Variants in NCBP3 observed in about 807,000 individuals in gnomAD.
NCBP3 encodes the protein nuclear cap binding subunit 3.
Under a neutral mutation model 75.7 loss-of-function variants are expected in NCBP3, and 20 were observed. That is an observed-to-expected ratio of 0.26 (90% confidence interval 0.19 to 0.38). NCBP3 has a LOEUF of 0.38. Ranked by LOEUF, NCBP3 falls within the 10% of genes least tolerant of loss-of-function variation. NCBP3 has a pLI of 1.00. For synonymous variants in NCBP3, 293 were observed against 290.5 expected, an observed-to-expected ratio of 1.01 and a Z score of -0.09; for missense variants, 678 against 796.9, an observed-to-expected ratio of 0.85 and a Z score of 1.80.
At chr17:3,815,807 T>C (rs1034696341) in intron 11 of NCBP3, among the ~76,000 whole-genome samples, 13 of 152,272 alleles carry the variant, frequency 8.5e-5, no homozygotes, top group Middle Eastern at 6.8e-3. Flanking sequence ...TCACTTTATA[T>C]AAGGGACTTA....
chr17:3,845,736 CCTCA>C (rs1445058813), intron 1 of NCBP3, among the ~76,000 whole-genome samples: 1 of 152,118 alleles, frequency 6.6e-6, no homozygotes, highest in Non-Finnish European at 1.5e-5. Context: ...TCCAGCCCCT[CCTCA>C]CTCACCTCCT....
chr17:3,842,729 T>G (rs2054087463), intron 2 of NCBP3, among the ~76,000 whole-genome samples: 1 of 152,134 alleles, frequency 6.6e-6, no homozygotes, highest in Admixed American at 6.6e-5. Flanking sequence ...CAGTGCAGCC[T>G]CAACCTCTCA....
intron 10 of NCBP3, among the ~76,000 whole-genome samples, chr17:3,817,906 C>T (rs1201431850): frequency 6.6e-6 from 1 of 151,956 alleles, no homozygotes; most frequent in African/African-American, 2.4e-5. Flanking sequence ...AATAGCATAA[C>T]CTCATCTTTA....
At chr17:3,841,602 C>CTTTT (rs373561293) in intron 2 of NCBP3, among the ~76,000 whole-genome samples, 92 of 118,016 alleles carry the variant, frequency 7.8e-4, no homozygotes, top group African/African-American at 2.2e-3. Flanking sequence ...AATTCTCTCT[C>CTTTT]TTTTTTTTTT....
At chr17:3,830,035 A>AT (rs1227082297) in intron 3 of NCBP3, among the ~76,000 whole-genome samples, 7 of 152,182 alleles carry the variant, frequency 4.6e-5, no homozygotes, top group Non-Finnish European at 1.0e-4. Flanking sequence ...CTGGTCCTTG[A>AT]ATCGAGATAT....
rs1472230466 is a variant in NCBP3 at position 3,809,819 on chromosome 17, CTAT to C, written c.*3222_*3224del. 1 of 152,072 alleles carries C rather than the reference CTAT, an allele frequency of 6.6e-6. No homozygotes were observed. Among genetic ancestry groups the C allele is most frequent in the Non-Finnish European group, 1.5e-5 (1 of 68,020 alleles). 9.4% of individuals were successfully genotyped at this position (152,072 alleles called of 1,614,324 possible). ...AAAGGTGGCATACCCATAAAATGGA[CTAT>C]TATTTGGCAATTTTAAAAAATGAAA... On this transcript the variant is annotated 3_prime_UTR_variant, in exon 13 of 13. Coordinates refer to ENST00000389005, the MANE Select transcript of NCBP3 (RefSeq NM_001114118.3).
chr17:3,825,957 GA>G, intron 5 of NCBP3, 114 bp from the exon 6 acceptor site: 1 of 1,409,656 alleles, frequency 7.1e-7, no homozygotes, highest in Non-Finnish European at 9.7e-7. Flanking sequence ...CCTATTTCCT[GA>G]TGATCTCAAG....
chr17:3,836,294 GC>G (rs1172707794), intron 3 of NCBP3, among the ~76,000 whole-genome samples: 1 of 152,200 alleles, frequency 6.6e-6, no homozygotes, highest in African/African-American at 2.4e-5. Flanking sequence ...CTGGGCACCT[GC>G]CATGTGCCAA....
intron 6 of NCBP3, among the ~76,000 whole-genome samples, 186 bp downstream of exon 6, chr17:3,825,581 T>C (rs2053768707): frequency 6.6e-6 from 1 of 152,204 alleles, no homozygotes; most frequent in South Asian, 2.1e-4. Context: ...ATAAGCACTA[T>C]TCTAAGATTT....
At chr17:3,837,452 G>A (rs774632001) in intron 3 of NCBP3, among the ~76,000 whole-genome samples, 6 of 151,688 alleles carry the variant, frequency 4.0e-5, no homozygotes, top group African/African-American at 9.7e-5. Flanking sequence ...AGCCGAGATC[G>A]CGCCACTGCA....
At chr17:3,814,994 C>T (rs2053502516) in intron 11 of NCBP3, among the ~76,000 whole-genome samples, 1 of 152,166 alleles carries the variant, frequency 6.6e-6, no homozygotes, top group Non-Finnish European at 1.5e-5. Context: ...AACAGAAACA[C>T]ATTCGTTGGT....
intron 2 of NCBP3, among the ~76,000 whole-genome samples, chr17:3,842,207 C>G (rs1332668323): frequency 6.6e-6 from 1 of 152,118 alleles, no homozygotes; most frequent in Non-Finnish European, 1.5e-5. Context: ...GGTGGATCAC[C>G]TGAAGTCAGG....
At chr17:3,817,103 C>T (rs1320104731) in intron 10 of NCBP3, among the ~76,000 whole-genome samples, 1 of 152,172 alleles carries the variant, frequency 6.6e-6, no homozygotes, top group Non-Finnish European at 1.5e-5. Context: ...TTCCCCTCCC[C>T]ACAAACATAC....
At chr17:3,817,571 G>A (rs182918311) in intron 10 of NCBP3, among the ~76,000 whole-genome samples, 2 of 152,126 alleles carry the variant, frequency 1.3e-5, no homozygotes, top group Admixed American at 6.5e-5. Flanking sequence ...GGAGTTTGCA[G>A]TGAGCCGAGA....
intron 3 of NCBP3, among the ~76,000 whole-genome samples, chr17:3,836,377 G>A (rs924729723): frequency 2.0e-5 from 3 of 152,112 alleles, no homozygotes; most frequent in African/African-American, 4.8e-5. Flanking sequence ...GTCATTGGCC[G>A]GGCGCAGTGG....
In NCBP3 at chr17:3,818,501, C is replaced by G. The variant is rs775155186; in HGVS notation, c.1072G>C (p.Glu358Gln). ...EEEEEEEEEE[E>Q]EDQDMDADDR... is the part of the protein sequence containing the mutation. ...TCTGCATCCATGTCCTGGTCTTCTT[C>G]TTCCTCTTCCTCTTCCTCCTCCTCC... Residue 358 changes from glutamate to glutamine, a missense_variant, in exon 10 of 13, where the codon GAA becomes CAA. This residue lies in a region of NCBP3 where 365 missense variants were observed against 392.7 expected (regional missense o/e 0.93). Coordinates refer to ENST00000389005, the MANE Select transcript of NCBP3 (RefSeq NM_001114118.3). The surrounding 1 kb of genome is among the most constrained non-coding windows in gnomAD (Gnocchi z 4.7). 17 of 1,612,362 alleles carry G rather than the reference C, an allele frequency of 1.1e-5. No individual in the cohort carries two copies. The highest frequency in any genetic ancestry group is 1.3e-5 in the African/African-American group (1 of 74,874).
At chr17:3,814,726 A>G (rs2053496594) in intron 11 of NCBP3, among the ~76,000 whole-genome samples, 1 of 150,714 alleles carries the variant, frequency 6.6e-6, no homozygotes. Flanking sequence ...CTGAAGAAAC[A>G]ACCTTTTTTT....
At chr17:3,815,645 G>GA (rs1179461736) in intron 11 of NCBP3, among the ~76,000 whole-genome samples, 1 of 151,948 alleles carries the variant, frequency 6.6e-6, no homozygotes, top group East Asian at 1.9e-4. Context: ...AATACATGTG[G>GA]AAAAAAAGTA....
rs570498972 is a variant in NCBP3 at position 3,845,187 on chromosome 17, A to G, written c.183+854T>C. On this transcript the variant is annotated intron_variant, in intron 1 of 12. Coordinates refer to ENST00000389005, the MANE Select transcript of NCBP3 (RefSeq NM_001114118.3). ...AATATAGTGAATGGTAAATGCTACT[A>G]TATTAGCTGTTGTTAATCATAATTA... 3.3e-5 allele frequency among the ~76,000 whole-genome samples: 5 copies of G among 152,286 alleles called. No individual in the cohort carries two copies. The South Asian group carries it at 6.2e-4, about 19-fold the overall frequency.
Sources: allele counts gnomAD v4.1 joint callset (sites outside exome capture counted in the v4.1 genomes callset), GRCh38; gene constraint gnomAD v4.1.1; regional missense constraint gnomAD v4.1.1; non-coding constraint Gnocchi (gnomAD v3.1); transcripts MANE v1.5; gene names NCBI Gene and HGNC (gene_info 2026-07-23, HGNC 2026-07-21).